CACNA1H: variants seen among roughly 807,000 people sequenced by gnomAD.
The protein encoded by CACNA1H is voltage-dependent T-type calcium channel subunit alpha-1H.
CACNA1H carries 149 observed loss-of-function variants against 192.5 expected under a neutral mutation model. The observed-to-expected ratio is 0.77, with a 90% CI of 0.68 to 0.89. The LOEUF is 0.89. Ranked by LOEUF, CACNA1H falls within the 40% of genes least tolerant of loss-of-function variation. The pLI is 0.00. For missense variants in CACNA1H, 4,257 were observed against 3,423.5 expected, an observed-to-expected ratio of 1.24 and a Z score of -6.08; for synonymous variants, 2,202 against 1,475.2, an observed-to-expected ratio of 1.49 and a Z score of -11.29.
chr16:1,218,756 GGAAGGATGGGCGGGAA>G, intron 33 of CACNA1H, 105 bp downstream of exon 33: 2 of 1,266,010 alleles, frequency 1.6e-6, no homozygotes, highest in Non-Finnish European at 2.2e-6. Flanking sequence ...CAGGGCAAGA[GGAAGGATGGGCGGGAA>G]GGAGGATGGG....
In CACNA1H at chr16:1,153,172, GCCCGCGC is replaced by G. The variant is rs1319650851; in HGVS notation, c.-291_-285del. 2.9e-3 allele frequency: 421 copies of G among 144,134 alleles called. 1 individual carries two copies. The highest frequency in any genetic ancestry group is 8.1e-3 in the East Asian group (39 of 4,786). The allele number at this position is 144,134 out of a possible 1,614,324, so 8.9% of individuals were successfully genotyped here. On this transcript the variant is annotated 5_prime_UTR_variant, in exon 1 of 35. Coordinates refer to ENST00000348261, the MANE Select transcript of CACNA1H (RefSeq NM_021098.3). ...TCGCTCGCTGCCTCACCGGTCCCCG[GCCCGCGC>G]CCCGCGCCCCGCGCCCCGCGCCCCG...
chr16:1,194,636 G>C (rs932645584), intron 2 of CACNA1H, among the ~76,000 whole-genome samples: 3 of 152,214 alleles, frequency 2.0e-5, no homozygotes, highest in East Asian at 1.9e-4. Context: ...CTAGGCCCTG[G>C]GAGTCTGAGT....
In CACNA1H at chr16:1,218,634, G is replaced by A; in HGVS notation, c.5870G>A (p.Gly1957Glu). The change falls in exon 33 of 35, where the codon GGG (glycine) becomes GAG (glutamate). Residue 1957 changes from glycine (G) to glutamate (E), a missense_variant. Coordinates refer to ENST00000348261, the MANE Select transcript of CACNA1H (RefSeq NM_021098.3). ...CAGGAGGTGGAGATGGAGACCTATG[G>A]GGCCGGCACCCCCTTGGGTATGGTA... Reference protein sequence around the residue: ...PLQEVEMETYGAGTPLGSVAS... With the variant: ...PLQEVEMETYEAGTPLGSVAS... 7 of 1,552,118 alleles carry A rather than the reference G, an allele frequency of 4.5e-6. No individual in the cohort carries two copies. Among genetic ancestry groups the A allele is most frequent in the South Asian group, 1.2e-5 (1 of 83,880 alleles).
chr16:1,153,148 C>A lies in CACNA1H; in HGVS notation c.-341C>A, dbSNP rs924678443. The A allele has an allele frequency of 6.9e-6, 1 of 144,472 alleles. No homozygotes were observed. Among genetic ancestry groups the A allele is most frequent in the South Asian group, 1.9e-4 (1 of 5,262 alleles). 8.9% of individuals were successfully genotyped at this position (144,472 alleles called of 1,614,324 possible). A position where few individuals can be genotyped will look rare whatever the true frequency, so the allele number is the denominator to read the frequency against. On this transcript the variant is annotated 5_prime_UTR_variant, in exon 1 of 35. Coordinates refer to ENST00000348261, the MANE Select transcript of CACNA1H (RefSeq NM_021098.3). ...GCCGCGCGCGGACGGGCTCGAGGCT[C>A]GCTCGCTGCCTCACCGGTCCCCGGC... is the stretch of plus-strand genomic sequence containing the variant.
intron 2 of CACNA1H, among the ~76,000 whole-genome samples, chr16:1,182,947 C>T (rs1207394048): frequency 1.3e-5 from 2 of 152,116 alleles, no homozygotes; most frequent in Non-Finnish European, 2.9e-5. Context: ...ATGGGCACTG[C>T]AGGTTCTCAG....
At chr16:1,213,977 C>T (rs765389114) in intron 27 of CACNA1H, 46 bp downstream of exon 27, 4 of 1,531,886 alleles carry the variant, frequency 2.6e-6, no homozygotes, top group Non-Finnish European at 3.6e-6. Flanking sequence ...GGGGCACCCC[C>T]AGTGGGGCAG....
chr16:1,166,351 G>A (rs1359065473), intron 2 of CACNA1H, among the ~76,000 whole-genome samples: 2 of 152,210 alleles, frequency 1.3e-5, no homozygotes, highest in African/African-American at 4.8e-5. Context: ...AAGTAACGGT[G>A]CCCTGAATCC....
At chr16:1,188,615 C>A (rs961065134) in intron 2 of CACNA1H, among the ~76,000 whole-genome samples, 1 of 152,220 alleles carries the variant, frequency 6.6e-6, no homozygotes, top group Non-Finnish European at 1.5e-5. Flanking sequence ...GGGCTGCCCA[C>A]GCCCGCGCCC....
rs1418469761 is a variant in CACNA1H at position 1,218,462 on chromosome 16, C to T, written c.5698C>T (p.Pro1900Ser). The change falls in exon 33 of 35, where the codon CCC becomes TCC. Residue 1900 changes from proline (P) to serine (S), a missense_variant. Physicochemically the swap from Pro to Ser is moderately conservative, Grantham distance 74. Transcript: ENST00000348261. ...SARRVDADRP[P>S]LPQESPGARD... ...ACGCCGGGTGGACGCGGACAGGCCT[C>T]CCTTGCCCCAGGAGAGTCCGGGCGC... 23 of 1,551,500 alleles carry T rather than the reference C, an allele frequency of 1.5e-5. No individual in the cohort carries two copies. The highest frequency in any genetic ancestry group is 1.7e-5 in the Non-Finnish European group (20 of 1,147,876).
At chr16:1,203,529 T>C (rs2050114) in intron 9 of CACNA1H, among the ~76,000 whole-genome samples, 69,984 of 151,838 alleles carry the variant, frequency 0.46, 16,938 homozygotes, top group African/African-American at 0.51. Flanking sequence ...AAATGTATGG[T>C]TTTTCTGATG....
rs576766489 is a variant in CACNA1H, at chr16:1,221,275, C to T, written c.*281C>T. The T allele has an allele frequency of 1.2e-4, 55 of 440,872 alleles. 1 individual carries two copies. The East Asian group carries it at 1.6e-3, about 13-fold the overall frequency. The allele number at this position is 440,872 out of a possible 1,614,324, so 27.3% of individuals were successfully genotyped here. A position where few individuals can be genotyped will look rare whatever the true frequency, so the allele number is the denominator to read the frequency against. On this transcript the variant is annotated 3_prime_UTR_variant, in exon 35 of 35. Coordinates refer to ENST00000348261, the MANE Select transcript of CACNA1H (RefSeq NM_021098.3). ...GTCAGCCTCCCGTCAGGAGAGAAGCCGCGTCTGTGGGACGAAGACCGGGCA... is the reference window on the plus strand; with the variant it reads ...GTCAGCCTCCCGTCAGGAGAGAAGCTGCGTCTGTGGGACGAAGACCGGGCA...
Position 1,209,053 on chromosome 16 carries a change from T to C in CACNA1H, c.3385T>C (p.Cys1129Arg). The change falls in exon 17 of 35, where the codon TGT (cysteine) becomes CGT (arginine). Residue 1129 changes from cysteine to arginine, a missense_variant. Coordinates refer to ENST00000348261, the MANE Select transcript of CACNA1H (RefSeq NM_021098.3). The part of the protein sequence containing the change: ...KPPASLRSSP[C>R]APWGPSGAWS... ...CCAGGCCAGCCTCCGAAGTTCTCCC[T>C]GTGCCCCCTGGGGCCCCAGTGGCGC... is the stretch of plus-strand genomic sequence containing the variant. The C allele has an allele frequency of 6.5e-7, 1 of 1,532,056 alleles. No homozygotes were observed. The highest frequency in any genetic ancestry group is 8.7e-7 in the Non-Finnish European group (1 of 1,145,532). The allele number at this position is 1,532,056 out of a possible 1,614,324, so 94.9% of individuals were successfully genotyped here.
chr16:1,166,674 C>T (rs1011904177), intron 2 of CACNA1H, among the ~76,000 whole-genome samples: 2 of 152,086 alleles, frequency 1.3e-5, no homozygotes, highest in African/African-American at 2.4e-5. Context: ...TGGACGTTCC[C>T]TGTATATGGG....
chr16:1,201,782 C>A lies in CACNA1H; in HGVS notation c.1332C>A (p.Asp444Glu), dbSNP rs746803902. Residue 444 changes from aspartate to glutamate, a missense_variant, in exon 9 of 35, where the codon GAC becomes GAA. Asp to Glu is a conservative substitution (Grantham distance 45). Coordinates refer to ENST00000348261, the MANE Select transcript of CACNA1H (RefSeq NM_021098.3). Reference sequence around the variant, plus strand: ...AGCGGGCACGCCACCTGTCCAACGACAGCACGCTGGCCAGCTTCTCCGAGC... The same window carrying A: ...AGCGGGCACGCCACCTGTCCAACGAAAGCACGCTGGCCAGCTTCTCCGAGC... ...REQRARHLSNDSTLASFSEPG... is the reference protein window; with the variant it reads ...REQRARHLSNESTLASFSEPG... 6.2e-7 allele frequency: 1 copy of A among 1,601,942 alleles called. No homozygotes were observed. The highest frequency in any genetic ancestry group is 8.5e-7 in the Non-Finnish European group (1 of 1,175,356).
At chr16:1,217,519 C>T (rs748789568) in intron 31 of CACNA1H, among the ~76,000 whole-genome samples, 1 of 152,172 alleles carries the variant, frequency 6.6e-6, no homozygotes, top group Non-Finnish European at 1.5e-5. Context: ...GCAGCCCAGT[C>T]CCTGCAGGGC....
Position 1,195,100 on chromosome 16 carries a change from G to A in CACNA1H, c.411+17G>A, listed in dbSNP as rs905191886. On this transcript the variant is annotated intron_variant, in intron 3 of 34. Coordinates refer to ENST00000348261, the MANE Select transcript of CACNA1H (RefSeq NM_021098.3). ...ATCCTGGAGGTGAGGGGCGTGGGTC[G>A]GGGTGGGGAAGGAGCGTGGGTCGCT... The A allele has an allele frequency of 5.2e-6, 8 of 1,552,670 alleles. No individual in the cohort carries two copies. The highest frequency in any genetic ancestry group is 1.1e-5 in the South Asian group (1 of 89,744).
rs1555515806 is a variant in CACNA1H, at chr16:1,209,349, C to T, written c.3681C>T (p.Asp1227=). The T allele has an allele frequency of 3.8e-6, 6 of 1,598,014 alleles. No homozygotes were observed. Among genetic ancestry groups the T allele is most frequent in the Non-Finnish European group, 5.1e-6 (6 of 1,179,552 alleles). The change falls in exon 17 of 35, where the codon GAC becomes GAT. Residue 1227 remains aspartate (D), a synonymous_variant. Transcript: ENST00000348261. The part of the protein sequence containing the change: ...RDGQVVALPS[D]FFLRIDSHRE... The stretch of plus-strand genomic sequence containing the variant: ...GGCAGGTGGTGGCCCTGCCCAGCGA[C>T]TTCTTCCTGCGCATCGACAGCCACC...
intron 2 of CACNA1H, among the ~76,000 whole-genome samples, chr16:1,160,863 C>T (rs975007456): frequency 1.1e-4 from 17 of 152,102 alleles, no homozygotes; most frequent in Non-Finnish European, 1.9e-4. Flanking sequence ...AGCGTCAACC[C>T]GGGACGCCAG....
Position 1,215,503 on chromosome 16 carries a change from C to A in CACNA1H, c.5174-20C>A. The A allele has an allele frequency of 6.2e-7, 1 of 1,608,936 alleles. No homozygotes were observed. Among genetic ancestry groups the A allele is most frequent in the Non-Finnish European group, 8.5e-7 (1 of 1,178,490 alleles). On this transcript the variant is annotated intron_variant, in intron 29 of 34. Coordinates refer to ENST00000348261, the MANE Select transcript of CACNA1H (RefSeq NM_021098.3). Reference sequence around the variant, plus strand: ...GGGAGGGTCCGCCCAGCCCTGCTGACGCTCAGCTCCCGGCCCTAGTGCTGA... The same window carrying A: ...GGGAGGGTCCGCCCAGCCCTGCTGAAGCTCAGCTCCCGGCCCTAGTGCTGA...
Sources: gnomAD v4.1 joint callset for allele counts (sites outside exome capture counted in the v4.1 genomes callset) on GRCh38, gnomAD v4.1.1 for gene constraint, MANE v1.5 for transcripts, NCBI Gene and HGNC (gene_info 2026-07-23, HGNC 2026-07-21) for gene names.